ACOT7: variants seen among roughly 807,000 people sequenced by gnomAD.
ACOT7 encodes the protein cytosolic acyl coenzyme A thioester hydrolase.
A neutral mutation model predicts 40.2 loss-of-function variants in ACOT7; 12 were observed. The observed-to-expected ratio is 0.30, with a 90% CI of 0.19 to 0.48. The LOEUF is 0.48. Ranked by LOEUF, ACOT7 falls within the 20% of genes least tolerant of loss-of-function variation. The pLI is 0.99. For synonymous variants in ACOT7, 228 were observed against 219.5 expected (o/e 1.04, Z -0.34); for missense variants, 395 against 530.8 (o/e 0.74, Z 2.51).
rs1639900606 is a variant in ACOT7, at chr1:6,299,392, C to G, written c.713-4412G>C. 1.3e-5 allele frequency among the ~76,000 whole-genome samples: 2 copies of G among 152,178 alleles called. No homozygotes were observed. The highest frequency in any genetic ancestry group is 2.9e-5 in the Non-Finnish European group (2 of 68,038). ...AAGAAAAATGAAATAACTCAGAACA[C>G]CAGGTAACATGCTGGCTGAGAACCC... On this transcript the variant is annotated intron_variant, in intron 6 of 8. Transcript: ENST00000361521. The surrounding 1 kb of genome is among the most constrained non-coding windows in gnomAD (Gnocchi z 4.1).
intron 6 of ACOT7, among the ~76,000 whole-genome samples, chr1:6,305,148 C>T (rs1256500929): frequency 1.1e-4 from 16 of 146,606 alleles, no homozygotes; most frequent in African/African-American, 2.8e-4. Flanking sequence ...TAGGGGCGGC[C>T]GGGCAGAGGC....
At chr1:6,337,478 A>G (rs1641137423) in intron 3 of ACOT7, among the ~76,000 whole-genome samples, 1 of 152,094 alleles carries the variant, frequency 6.6e-6, no homozygotes, top group Non-Finnish European at 1.5e-5. Context: ...TCATTCATTC[A>G]TTTGCTCATC....
intron 1 of ACOT7, among the ~76,000 whole-genome samples, chr1:6,350,549 C>T (rs960069028): frequency 6.6e-6 from 1 of 152,214 alleles, no homozygotes; most frequent in African/African-American, 2.4e-5. Flanking sequence ...GGGAGCTCCA[C>T]GAAATCTCTG....
intron 8 of ACOT7, among the ~76,000 whole-genome samples, chr1:6,270,294 T>C (rs770442750): frequency 3.9e-5 from 6 of 152,204 alleles, no homozygotes; most frequent in Non-Finnish European, 7.3e-5. Context: ...TTGCTGTTTT[T>C]AATGGAGGGT....
chr1:6,320,188 G>A (rs1443119467), intron 5 of ACOT7, among the ~76,000 whole-genome samples: 1 of 152,250 alleles, frequency 6.6e-6, no homozygotes, highest in Non-Finnish European at 1.5e-5. Context: ...TAAACACCTA[G>A]CACACACGAA....
intron 1 of ACOT7, among the ~76,000 whole-genome samples, chr1:6,357,804 C>A (rs1018182525): frequency 5.4e-4 from 82 of 151,844 alleles, no homozygotes; most frequent in African/African-American, 1.9e-3. Context: ...CACAAGCACA[C>A]ATAAATGCCT....
At chr1:6,349,326 G>A (rs773842678) in intron 2 of ACOT7, among the ~76,000 whole-genome samples, 4 of 152,214 alleles carry the variant, frequency 2.6e-5, no homozygotes, top group Non-Finnish European at 5.9e-5. Context: ...CACTTGCTAT[G>A]GTGCCATGGC....
In ACOT7 at chr1:6,358,140, A is replaced by T. The variant is rs1428924018; in HGVS notation, c.144-8274T>A. Among the ~76,000 whole-genome samples the T allele has an allele frequency of 6.6e-6, 1 of 151,976 alleles. No individual in the cohort carries two copies. Among genetic ancestry groups the T allele is most frequent in the Non-Finnish European group, 1.5e-5 (1 of 67,996 alleles). The stretch of plus-strand genomic sequence containing the variant: ...TGCCTCGGCCTCCCAAAGTGCTGAG[A>T]TTACAGGCGTGAGTCACAGAGTCTG... On this transcript the variant is annotated intron_variant, in intron 1 of 8. Transcript: ENST00000361521. This position sits in a 1 kb window ranked among gnomAD's most constrained non-coding sequence, Gnocchi z 4.1.
At chr1:6,284,729 G>A (rs950814606) in intron 7 of ACOT7, among the ~76,000 whole-genome samples, 4 of 152,034 alleles carry the variant, frequency 2.6e-5, no homozygotes, top group Admixed American at 6.6e-5. Flanking sequence ...CCCTGGGGAC[G>A]GAGGTCCATC....
chr1:6,302,496 C>T (rs1640000715), intron 6 of ACOT7, among the ~76,000 whole-genome samples: 1 of 152,214 alleles, frequency 6.6e-6, no homozygotes. Flanking sequence ...GAAGACGGAC[C>T]TGGCGAAAAA....
At chr1:6,370,454 T>TTAGTAG (rs1402854120) in intron 1 of ACOT7, among the ~76,000 whole-genome samples, 35 of 142,436 alleles carry the variant, frequency 2.5e-4, no homozygotes, top group African/African-American at 7.9e-4. Flanking sequence ...ATGAGCAGTG[T>TTAGTAG]TAGTATTATT....
At chr1:6,293,420 A>G (rs1353919189) in intron 7 of ACOT7, among the ~76,000 whole-genome samples, 1 of 152,232 alleles carries the variant, frequency 6.6e-6, no homozygotes, top group Non-Finnish European at 1.5e-5. Context: ...GACGAGCTAA[A>G]ACACAGAGGA....
Position 6,294,779 on chromosome 1 carries a change from GGGTGTGAACAGAAAACAAACT to G in ACOT7, c.829+64_829+84del. 2 of 1,040,136 alleles carry G rather than the reference GGGTGTGAACAGAAAACAAACT, an allele frequency of 1.9e-6. No homozygotes were observed. Among genetic ancestry groups the G allele is most frequent in the Non-Finnish European group, 3.0e-6 (2 of 675,642 alleles). The allele number at this position is 1,040,136 out of a possible 1,614,324, so 64.4% of individuals were successfully genotyped here. A position where few individuals can be genotyped will look rare whatever the true frequency, so the allele number is the denominator to read the frequency against. On this transcript the variant is annotated intron_variant, in intron 7 of 8. Transcript: ENST00000361521. This position sits in a 1 kb window ranked among gnomAD's most constrained non-coding sequence, Gnocchi z 4.6. The stretch of plus-strand genomic sequence containing the variant: ...CACACACCAAGGCCCACATGACCCT[GGGTGTGAACAGAAAACAAACT>G]GGTGCAGGGACCCAAGCAGCCGAGG...
In ACOT7 at chr1:6,358,416, A is replaced by AC. The variant is rs558502204; in HGVS notation, c.144-8551dup. Among the ~76,000 whole-genome samples the AC allele has an allele frequency of 4.7e-3, 719 of 151,712 alleles. 11 individuals are homozygous for AC. The highest frequency in any genetic ancestry group is 0.016 in the African/African-American group (663 of 41,328). ...AGGAGGCTCCTTGTGCAGCCCACAG[A>AC]CCCCCCCTCCACCGCAGGTAGGAAG... On this transcript the variant is annotated intron_variant, in intron 1 of 8. Transcript: ENST00000361521. The surrounding 1 kb of genome is among the most constrained non-coding windows in gnomAD (Gnocchi z 4.1).
chr1:6,278,711 G>A lies in ACOT7; in HGVS notation c.1014+2391C>T, dbSNP rs1352873472. ...GGATCTGACCACCCCAGGAGAGAAG[G>A]GCCACAGGTTAGGACATGTCAAAGC... is the stretch of plus-strand genomic sequence containing the variant. On this transcript the variant is annotated intron_variant, in intron 8 of 8. Transcript: ENST00000361521. The surrounding 1 kb of genome is among the most constrained non-coding windows in gnomAD (Gnocchi z 4.1). Among the ~76,000 whole-genome samples, 1 of 152,188 alleles carries A rather than the reference G, an allele frequency of 6.6e-6. No homozygotes were observed. The highest frequency in any genetic ancestry group is 1.5e-5 in the Non-Finnish European group (1 of 68,038).
chr1:6,293,380 C>T (rs1639726676), intron 7 of ACOT7, among the ~76,000 whole-genome samples: 1 of 152,214 alleles, frequency 6.6e-6, no homozygotes, highest in African/African-American at 2.4e-5. Flanking sequence ...GATTCTCCTG[C>T]AGAGTCACGC....
Position 6,330,629 on chromosome 1 carries a change from G to A in ACOT7, c.510+2848C>T, listed in dbSNP as rs1299416103. On this transcript the variant is annotated intron_variant, in intron 4 of 8. Coordinates refer to ENST00000361521, the MANE Select transcript of ACOT7 (RefSeq NM_007274.4). The surrounding 1 kb of genome is among the most constrained non-coding windows in gnomAD (Gnocchi z 4.6). The stretch of plus-strand genomic sequence containing the variant: ...AGCTCCTCCAGGATGTGGGAGGGAG[G>A]GAGCTAATTACTGGGCAAGGAGAGG... Among the ~76,000 whole-genome samples the A allele has an allele frequency of 2.6e-5, 4 of 152,152 alleles. No homozygotes were observed. Among genetic ancestry groups the A allele is most frequent in the South Asian group, 4.1e-4 (2 of 4,836 alleles).
intron 1 of ACOT7, among the ~76,000 whole-genome samples, chr1:6,357,116 A>T (rs1386142292): frequency 6.6e-6 from 1 of 152,080 alleles, no homozygotes; most frequent in Non-Finnish European, 1.5e-5. Context: ...ACATGCCTGT[A>T]ATCCCAGCTA....
Position 6,385,592 on chromosome 1 carries a change from G to A in ACOT7, c.143+7665C>T, listed in dbSNP as rs369668675. ...CTCGCCGGGGCCCCACACATCCCTGGCCAGCCACCAGCCTCCTGGAAGATG... is the reference window on the plus strand; with the variant it reads ...CTCGCCGGGGCCCCACACATCCCTGACCAGCCACCAGCCTCCTGGAAGATG... On this transcript the variant is annotated intron_variant, in intron 1 of 8. Coordinates refer to ENST00000361521, the MANE Select transcript of ACOT7 (RefSeq NM_007274.4). 2.4e-5 allele frequency: 38 copies of A among 1,612,126 alleles called. 3 individuals carry two copies. The highest frequency in any genetic ancestry group is 2.3e-4 in the African/African-American group (17 of 75,012).
Sources: gnomAD v4.1 joint callset for allele counts (sites outside exome capture counted in the v4.1 genomes callset) on GRCh38, gnomAD v4.1.1 for gene constraint, Gnocchi (gnomAD v3.1) non-coding constraint, MANE v1.5 for transcripts, NCBI Gene and HGNC (gene_info 2026-07-23, HGNC 2026-07-21) for gene names.